The following KLF17 variants were observed in gnomAD, a reference collection of about 807,000 sequenced individuals.
KLF17 encodes KLF transcription factor 17.
In KLF17, 31 loss-of-function variants were observed where a neutral mutation model predicts 34.2. The ratio of observed to expected loss-of-function variants is 0.91; its 90% CI spans 0.68 to 1.22. The LOEUF (loss-of-function observed/expected upper bound fraction) is 1.22, where lower values mean the gene tolerates loss of function less well. Ranked by LOEUF, KLF17 falls within the 50% of genes most tolerant of loss-of-function variation. KLF17 has a pLI of 0.00. For missense variants in KLF17, 478 were observed against 505.2 expected, an observed-to-expected ratio of 0.95 and a Z score of 0.52; for synonymous variants, 179 against 186.7, an observed-to-expected ratio of 0.96 and a Z score of 0.34.
the KLF17 span, among the ~76,000 whole-genome samples, chr1:44,090,076 G>GCAGTGAGC: frequency 2.7e-5 from 4 of 150,226 alleles, no homozygotes; most frequent in South Asian, 6.3e-4. Flanking sequence ...GATCAAGGCT[G>GCAGTGAGC]CAGTGAGCTC....
At chr1:44,046,667 A>T in the KLF17 span, among the ~76,000 whole-genome samples, 1 of 152,178 alleles carries the variant, frequency 6.6e-6, no homozygotes, top group African/African-American at 2.4e-5. Flanking sequence ...AACTGGTTCA[A>T]GTCCATGTGG....
the KLF17 span, among the ~76,000 whole-genome samples, chr1:44,054,575 G>A: frequency 6.8e-6 from 1 of 146,120 alleles, no homozygotes; most frequent in Non-Finnish European, 1.5e-5. Context: ...CCACCTCCCG[G>A]GTTCATGCCA....
At chr1:44,094,380 GC>G in the KLF17 span, among the ~76,000 whole-genome samples, 9 of 152,036 alleles carry the variant, frequency 5.9e-5, no homozygotes, top group Non-Finnish European at 1.0e-4. Flanking sequence ...TTCTTTGGTT[GC>G]CTTGTGCTTT....
At chr1:44,080,704 T>C in the KLF17 span, among the ~76,000 whole-genome samples, 1 of 149,516 alleles carries the variant, frequency 6.7e-6, no homozygotes, top group African/African-American at 2.5e-5. Context: ...TCATGGTGAA[T>C]TATATTGAAT....
chr1:44,053,176 C>G, the KLF17 span, among the ~76,000 whole-genome samples: 1 of 152,126 alleles, frequency 6.6e-6, no homozygotes, highest in Non-Finnish European at 1.5e-5. Context: ...GCTAGGATTA[C>G]AGATGTGAGC....
the KLF17 span, among the ~76,000 whole-genome samples, chr1:44,109,441 A>C: frequency 6.6e-6 from 1 of 152,238 alleles, no homozygotes; most frequent in Non-Finnish European, 1.5e-5. Context: ...CGGTTCATGT[A>C]ATCAGGAAAG....
intron 1 of KLF17, among the ~76,000 whole-genome samples, chr1:44,123,248 T>TG (rs544195194): frequency 4.5e-4 from 69 of 151,908 alleles, no homozygotes; most frequent in Middle Eastern, 3.4e-3. Flanking sequence ...TTTGTAGAAA[T>TG]GGGGGGTCTC....
intron 3 of KLF17, among the ~76,000 whole-genome samples, chr1:44,131,573 C>T (rs1226299671): frequency 6.6e-6 from 1 of 152,222 alleles, no homozygotes; most frequent in Admixed American, 6.5e-5. Context: ...CTCCCTGGCA[C>T]TCACTGGCCA....
the KLF17 span, chr1:44,087,820 A>T: frequency 6.8e-6 from 1 of 146,944 alleles, no homozygotes; most frequent in Admixed American, 6.9e-5. Context: ...AAACACACAC[A>T]CACACACATA....
the KLF17 span, among the ~76,000 whole-genome samples, chr1:44,072,550 A>AAATTAATT: frequency 1.3e-5 from 2 of 151,890 alleles, no homozygotes; most frequent in African/African-American, 4.8e-5. Flanking sequence ...ATAAATAAAT[A>AAATTAATT]AATAGGCCAG....
At chr1:44,085,004 A>G in the KLF17 span, among the ~76,000 whole-genome samples, 1 of 151,826 alleles carries the variant, frequency 6.6e-6, no homozygotes, top group Admixed American at 6.6e-5. Flanking sequence ...CTTTGTGGTA[A>G]AAGATGAGGT....
the KLF17 span, among the ~76,000 whole-genome samples, chr1:44,046,518 A>C: frequency 7.1e-6 from 1 of 140,526 alleles, no homozygotes; most frequent in Non-Finnish European, 1.5e-5. Context: ...GCCACGCCCA[A>C]CCTAAGCACT....
In KLF17 at chr1:44,118,904, C is replaced by T. The variant is rs544437409; in HGVS notation, c.-4C>T. ...GTAGAGAGTCTAGACCCCACCCAGT[C>T]TTCATGTACGGCCGACCGCAGGCTG... On this transcript the variant is annotated 5_prime_UTR_variant, in exon 1 of 4. Transcript: ENST00000372299. 3.1e-6 allele frequency: 5 copies of T among 1,610,688 alleles called. No individual in the cohort carries two copies. The Admixed American group carries it at 8.4e-5, about 27-fold the overall frequency.
the KLF17 span, among the ~76,000 whole-genome samples, chr1:44,100,093 C>A: frequency 6.7e-6 from 1 of 150,330 alleles, no homozygotes; most frequent in African/African-American, 2.5e-5. Context: ...CACACACACA[C>A]ACACACACAC....
the KLF17 span, among the ~76,000 whole-genome samples, chr1:44,059,788 C>G: frequency 2.0e-5 from 3 of 152,010 alleles, no homozygotes; most frequent in African/African-American, 7.2e-5. Context: ...CTGTGATACT[C>G]TGATCCAAAT....
chr1:44,080,713 ATTTTTTTTTT>A, the KLF17 span, among the ~76,000 whole-genome samples: 4 of 92,674 alleles, frequency 4.3e-5, no homozygotes, highest in Non-Finnish European at 6.0e-5. Context: ...ATTATATTGA[ATTTTTTTTTT>A]TTTTTTTTTT....
At chr1:44,083,369 T>C in the KLF17 span, among the ~76,000 whole-genome samples, 9 of 152,228 alleles carry the variant, frequency 5.9e-5, no homozygotes, top group South Asian at 6.2e-4. Context: ...AATTATTCTC[T>C]TGAAAGTTGT....
chr1:44,089,299 G>A, the KLF17 span, among the ~76,000 whole-genome samples: 2 of 152,206 alleles, frequency 1.3e-5, no homozygotes, highest in Admixed American at 6.5e-5. Context: ...ATCAACTCTT[G>A]TGAAAGGAAG....
the KLF17 span, among the ~76,000 whole-genome samples, chr1:44,098,104 G>A: frequency 3.3e-5 from 5 of 152,012 alleles, no homozygotes; most frequent in African/African-American, 1.2e-4. Context: ...TGAGTAGATA[G>A]GACCACAGGT....
Sources: gnomAD v4.1 joint callset for allele counts (sites outside exome capture counted in the v4.1 genomes callset) on GRCh38, gnomAD v4.1.1 for gene constraint, MANE v1.5 for transcripts, NCBI Gene and HGNC (gene_info 2026-07-23, HGNC 2026-07-21) for gene names.